NRG3: variants seen among roughly 807,000 people sequenced by gnomAD.
NRG3 encodes the protein pro-neuregulin-3, membrane-bound isoform.
A neutral mutation model predicts 66.9 loss-of-function variants in NRG3; 31 were observed. The observed-to-expected ratio is 0.46, with a 90% CI of 0.35 to 0.63. NRG3 has a LOEUF of 0.63. Ranked by LOEUF, NRG3 falls within the 20% of genes least tolerant of loss-of-function variation. NRG3 has a pLI of 0.00. For missense variants in NRG3, 910 were observed against 878.9 expected, an observed-to-expected ratio of 1.04 and a Z score of -0.45; for synonymous variants, 393 against 359.4, an observed-to-expected ratio of 1.09 and a Z score of -1.06.
At chr10:82,686,786 C>G (rs879742496) in intron 2 of NRG3, among the ~76,000 whole-genome samples, 1 of 152,128 alleles carries the variant, frequency 6.6e-6, no homozygotes, top group Non-Finnish European at 1.5e-5. Flanking sequence ...TCCTTTTCCT[C>G]AAAAATTAGA....
chr10:82,713,754 G>A (rs756525253), intron 2 of NRG3, among the ~76,000 whole-genome samples: 6 of 152,140 alleles, frequency 3.9e-5, no homozygotes, highest in Admixed American at 6.5e-5. Flanking sequence ...TTTTGATATC[G>A]TCTAATGTTA....
At chr10:82,360,840 T>A (rs1316658072) in intron 2 of NRG3, among the ~76,000 whole-genome samples, 7 of 152,110 alleles carry the variant, frequency 4.6e-5, no homozygotes. Context: ...GTGTTCAGAG[T>A]TGATTCCTTT....
intron 2 of NRG3, among the ~76,000 whole-genome samples, 184 bp from the exon 3 acceptor site, chr10:82,738,393 C>A (rs953295114): frequency 6.6e-6 from 1 of 152,280 alleles, no homozygotes; most frequent in Non-Finnish European, 1.5e-5. Context: ...GGCTTTCTCC[C>A]TTTTTGGCAA....
intron 2 of NRG3, among the ~76,000 whole-genome samples, chr10:82,624,869 C>T (rs1223369793): frequency 4.1e-5 from 6 of 145,114 alleles, no homozygotes; most frequent in Admixed American, 1.4e-4. Flanking sequence ...ATCTTAAATC[C>T]CTCATTAATT....
At chr10:82,167,212 G>A (rs1417803205) in intron 1 of NRG3, among the ~76,000 whole-genome samples, 1 of 151,578 alleles carries the variant, frequency 6.6e-6, no homozygotes, top group African/African-American at 2.4e-5. Flanking sequence ...GTCAGACATT[G>A]CAAATTTTAC....
At chr10:82,335,129 G>A (rs914237693) in intron 1 of NRG3, among the ~76,000 whole-genome samples, 3 of 152,180 alleles carry the variant, frequency 2.0e-5, no homozygotes, top group African/African-American at 2.4e-5. Context: ...TCAGGGGAAT[G>A]CCAATATTCA....
intron 2 of NRG3, among the ~76,000 whole-genome samples, chr10:82,524,609 CAT>C (rs2132577832): frequency 6.6e-6 from 1 of 151,894 alleles, no homozygotes; most frequent in African/African-American, 2.4e-5. Context: ...TTTTAGGTTA[CAT>C]ATATATTCAC....
intron 2 of NRG3, among the ~76,000 whole-genome samples, chr10:82,360,778 C>T (rs2135605115): frequency 6.6e-6 from 1 of 152,126 alleles, no homozygotes; most frequent in Admixed American, 6.5e-5. Context: ...CCCTCCTTGA[C>T]TTATAGATGG....
At chr10:82,845,296 T>C (rs1394323983) in intron 3 of NRG3, among the ~76,000 whole-genome samples, 3 of 152,242 alleles carry the variant, frequency 2.0e-5, no homozygotes, top group African/African-American at 7.2e-5. Flanking sequence ...TTTCCTTTCA[T>C]ACCTGGGAAT....
At chr10:81,964,511 CT>C (rs1175735102) in intron 1 of NRG3, among the ~76,000 whole-genome samples, 3 of 152,050 alleles carry the variant, frequency 2.0e-5, no homozygotes, top group Non-Finnish European at 4.4e-5. Context: ...AACTCTTCCC[CT>C]ACAGATGAAC....
At chr10:82,337,234 C>CCT in intron 1 of NRG3, among the ~76,000 whole-genome samples, 1 of 152,280 alleles carries the variant, frequency 6.6e-6, no homozygotes, top group African/African-American at 2.4e-5. Context: ...CTATTCTGGA[C>CCT]ATTTCCTATA....
chr10:82,435,122 G>A (rs2090054449), intron 2 of NRG3, among the ~76,000 whole-genome samples: 1 of 152,018 alleles, frequency 6.6e-6, no homozygotes, highest in African/African-American at 2.4e-5. Context: ...CTGTTTCAGA[G>A]CTTGTTATTG....
At chr10:82,059,279 G>A (rs1318290445) in intron 1 of NRG3, among the ~76,000 whole-genome samples, 1 of 152,174 alleles carries the variant, frequency 6.6e-6, no homozygotes, top group African/African-American at 2.4e-5. Flanking sequence ...CCCTTAGAGG[G>A]ATGGGCTGAT....
intron 2 of NRG3, among the ~76,000 whole-genome samples, chr10:82,440,324 T>C (rs564919309): frequency 6.6e-6 from 1 of 151,228 alleles, no homozygotes; most frequent in African/African-American, 2.4e-5. Flanking sequence ...ACTTCTCTCA[T>C]TTAAAAAAAA....
At chr10:82,144,887 C>G (rs2070130943) in intron 1 of NRG3, among the ~76,000 whole-genome samples, 1 of 152,204 alleles carries the variant, frequency 6.6e-6, no homozygotes, top group South Asian at 2.1e-4. Context: ...ACAAAGCTGG[C>G]TTATGATAAA....
chr10:81,875,486 C>G lies in NRG3; in HGVS notation c.146C>G (p.Pro49Arg), dbSNP rs143129860. 1.8e-5 allele frequency: 27 copies of G among 1,495,236 alleles called. No individual in the cohort carries two copies. Among genetic ancestry groups the G allele is most frequent in the Non-Finnish European group, 2.2e-5 (24 of 1,114,684 alleles). 92.6% of individuals were successfully genotyped at this position (1,495,236 alleles called of 1,614,324 possible). ...DGGGEGAAEP[P>R]RELRCSDCIV... The stretch of plus-strand genomic sequence containing the variant: ...GGCGGCGAAGGGGCGGCCGAGCCCC[C>G]CCGGGAGTTACGCTGTAGCGACTGC... The change falls in exon 1 of 9, where the codon CCC (proline) becomes CGC (arginine). Residue 49 changes from proline to arginine, a missense_variant. By Grantham distance (103) the Pro-to-Arg change is moderately radical. Transcript: ENST00000372141. The surrounding 1 kb of genome is among the most constrained non-coding windows in gnomAD (Gnocchi z 5.3).
At chr10:82,745,047 A>T (rs1159795768) in intron 3 of NRG3, among the ~76,000 whole-genome samples, 1 of 152,204 alleles carries the variant, frequency 6.6e-6, no homozygotes, top group Admixed American at 6.5e-5. Flanking sequence ...GTAAAAATGC[A>T]TGAAGAAGTA....
intron 2 of NRG3, among the ~76,000 whole-genome samples, chr10:82,722,212 C>T (rs2057359001): frequency 1.3e-5 from 2 of 152,150 alleles, no homozygotes; most frequent in South Asian, 4.1e-4. Context: ...TTAGGTAAGT[C>T]CCTCATCTTT....
intron 1 of NRG3, among the ~76,000 whole-genome samples, chr10:81,947,413 A>C (rs973857642): frequency 6.6e-6 from 1 of 152,250 alleles, no homozygotes; most frequent in South Asian, 2.1e-4. Context: ...CACAACAGTA[A>C]CCAAAATGAC....
Sources: allele counts gnomAD v4.1 joint callset (sites outside exome capture counted in the v4.1 genomes callset), GRCh38; gene constraint gnomAD v4.1.1; non-coding constraint Gnocchi (gnomAD v3.1); transcripts MANE v1.5; gene names NCBI Gene and HGNC (gene_info 2026-07-23, HGNC 2026-07-21).